Variants in DIXDC1 observed in about 807,000 individuals in gnomAD.
DIXDC1 encodes the protein DIX domain containing 1.
DIXDC1 carries 64 observed loss-of-function variants against 103.1 expected under a neutral mutation model. The ratio of observed to expected loss-of-function variants is 0.62; its 90% confidence interval spans 0.51 to 0.76. The LOEUF (loss-of-function observed/expected upper bound fraction) is 0.76. Ranked by LOEUF, DIXDC1 falls within the 30% of genes least tolerant of loss-of-function variation. The pLI, the probability that DIXDC1 is intolerant of heterozygous loss-of-function variation, is 0.00. For missense variants in DIXDC1, 759 were observed against 834.2 expected (o/e 0.91, Z 1.11); for synonymous variants, 266 against 298.5 (o/e 0.89, Z 1.12).
At chr11:111,930,748 C>T (rs1404588380) in intron 2 of DIXDC1, among the ~76,000 whole-genome samples, 2 of 151,840 alleles carry the variant, frequency 1.3e-5, no homozygotes, top group African/African-American at 4.8e-5. Flanking sequence ...GCCTGTAATC[C>T]CAGGACTTTG....
At position 111,998,574 on chromosome 11, in the gene DIXDC1, C is replaced by T. The variant is rs1266184630; in HGVS notation, c.1756+2428C>T. Among the ~76,000 whole-genome samples the T allele has an allele frequency of 6.6e-6, 1 of 152,176 alleles. No homozygotes were observed. The highest frequency in any genetic ancestry group is 6.5e-5 in the Admixed American group (1 of 15,284). ...TTTTATTTACTTTGAGACAGAGTCTCGCTCTGTTGCCCAGGCTGGAGTGCA... is the reference window on the plus strand; with the variant it reads ...TTTTATTTACTTTGAGACAGAGTCTTGCTCTGTTGCCCAGGCTGGAGTGCA... On this transcript the variant is annotated intron_variant, in intron 17 of 19. Coordinates refer to ENST00000440460, the MANE Select transcript of DIXDC1 (RefSeq NM_001037954.4). This position sits in a 1 kb window ranked among gnomAD's most constrained non-coding sequence, Gnocchi z 4.1.
intron 17 of DIXDC1, among the ~76,000 whole-genome samples, chr11:112,004,749 A>C (rs1230487595): frequency 6.6e-6 from 1 of 152,210 alleles, no homozygotes; most frequent in East Asian, 1.9e-4. Flanking sequence ...CCCTCCAACA[A>C]GCAGCTGTCC....
At chr11:111,966,038 C>T (rs7129729) in intron 2 of DIXDC1, among the ~76,000 whole-genome samples, 8,610 of 152,144 alleles carry the variant, frequency 0.057, 679 homozygotes, top group African/African-American at 0.17. Flanking sequence ...TATGTTCCCC[C>T]ACCAGCTACC....
chr11:112,003,593 G>A (rs774338565), intron 17 of DIXDC1, among the ~76,000 whole-genome samples: 21 of 152,086 alleles, frequency 1.4e-4, no homozygotes, highest in Non-Finnish European at 2.4e-4. Context: ...GAGGTTAGGG[G>A]TTCAAGACCA....
intron 8 of DIXDC1, 76 bp downstream of exon 8, chr11:111,985,397 C>A: frequency 8.7e-7 from 1 of 1,155,962 alleles, no homozygotes; most frequent in South Asian, 1.4e-5. Flanking sequence ...CACTGCTGTT[C>A]ATGCCTTCTT....
chr11:111,986,589 C>T (rs587715165), intron 8 of DIXDC1, among the ~76,000 whole-genome samples: 76 of 152,144 alleles, frequency 5.0e-4, no homozygotes, highest in Admixed American at 2.1e-3. Context: ...GTCTCTAACA[C>T]CTGACCTCAA....
intron 1 of DIXDC1, among the ~76,000 whole-genome samples, chr11:111,959,523 AC>A (rs1301689855): frequency 3.3e-5 from 5 of 151,616 alleles, no homozygotes; most frequent in Non-Finnish European, 2.9e-5. Flanking sequence ...TTGATCACAC[AC>A]CCCTTGCCAC....
chr11:111,974,409 A>C (rs1555172393), intron 4 of DIXDC1, 155 bp downstream of exon 4: 1 of 675,124 alleles, frequency 1.5e-6, no homozygotes, highest in East Asian at 2.8e-5. Context: ...CTCTCAAAAG[A>C]GAAAAGCCTT....
At chr11:111,975,701 C>CT in intron 5 of DIXDC1, 2 of 985,478 alleles carry the variant, frequency 2.0e-6, no homozygotes, top group Non-Finnish European at 2.4e-6. Context: ...CTCTAATGAC[C>CT]TTTTCTTTCC....
intron 2 of DIXDC1, among the ~76,000 whole-genome samples, chr11:111,966,442 G>C (rs1210626642): frequency 1.5e-5 from 2 of 130,372 alleles, no homozygotes; most frequent in African/African-American, 3.1e-5. Context: ...CTCGCTCTGT[G>C]GCCCAGGCGG....
At chr11:111,989,313 T>C (rs1860611540) in intron 10 of DIXDC1, among the ~76,000 whole-genome samples, 2 of 152,080 alleles carry the variant, frequency 1.3e-5, no homozygotes. Flanking sequence ...TGTAAAAGAA[T>C]CCTCTTCAGT....
At chr11:111,936,639 C>A (rs1457042085), upstream of DIXDC1, among the ~76,000 whole-genome samples, 2 of 152,168 alleles carry the variant, frequency 1.3e-5, no homozygotes, top group African/African-American at 4.8e-5. Context: ...AACTAAAGTT[C>A]TTTTTATCCT....
intron 1 of DIXDC1, among the ~76,000 whole-genome samples, chr11:111,962,495 G>A (rs587627350): frequency 8.1e-4 from 123 of 151,416 alleles, no homozygotes; most frequent in Non-Finnish European, 1.4e-3. Flanking sequence ...GAAAAAAAAA[G>A]AGGCAGGAGT....
At chr11:111,985,660 G>A (rs1490670277) in intron 8 of DIXDC1, among the ~76,000 whole-genome samples, 1 of 151,944 alleles carries the variant, frequency 6.6e-6, no homozygotes, top group African/African-American at 2.4e-5. Context: ...CAGCATTCCA[G>A]TCTAGGCCCT....
upstream of DIXDC1, among the ~76,000 whole-genome samples, chr11:111,936,303 T>G (rs1431726044): frequency 1.3e-5 from 2 of 152,268 alleles, no homozygotes; most frequent in Non-Finnish European, 2.9e-5. Context: ...GAGTTTGCAC[T>G]GAGTTGCAAA....
intron 1 of DIXDC1, among the ~76,000 whole-genome samples, chr11:111,961,000 C>A (rs1428581296): frequency 6.6e-6 from 1 of 152,214 alleles, no homozygotes; most frequent in East Asian, 1.9e-4. Flanking sequence ...GTGACCTTGA[C>A]GTGCAGCCAG....
intron 2 of DIXDC1, among the ~76,000 whole-genome samples, chr11:111,966,938 T>C (rs1555171614): frequency 6.6e-6 from 1 of 152,182 alleles, no homozygotes; most frequent in Non-Finnish European, 1.5e-5. Context: ...CAGACCTCAT[T>C]TTATTCAACA....
At chr11:112,009,711 CAT>C (rs1861354012) in intron 17 of DIXDC1, among the ~76,000 whole-genome samples, 1 of 152,174 alleles carries the variant, frequency 6.6e-6, no homozygotes, top group South Asian at 2.1e-4. Flanking sequence ...AGAAAAACCA[CAT>C]GATTATCTCA....
At chr11:112,009,302 G>A (rs1861338848) in intron 17 of DIXDC1, among the ~76,000 whole-genome samples, 1 of 152,176 alleles carries the variant, frequency 6.6e-6, no homozygotes, top group African/African-American at 2.4e-5. Context: ...TTCTGAAATT[G>A]AGGCAATAAT....
Sources: gnomAD v4.1 joint callset for allele counts (sites outside exome capture counted in the v4.1 genomes callset) on GRCh38, gnomAD v4.1.1 for gene constraint, Gnocchi (gnomAD v3.1) non-coding constraint, MANE v1.5 for transcripts, NCBI Gene and HGNC (gene_info 2026-07-23, HGNC 2026-07-21) for gene names.